The following SGCZ variants were observed in gnomAD, a reference collection of about 807,000 sequenced individuals.
SGCZ encodes the protein zeta-sarcoglycan.
A neutral mutation model predicts 41.3 loss-of-function variants in SGCZ; 40 were observed. The observed-to-expected ratio is 0.97, with a 90% CI of 0.75 to 1.26. The LOEUF is 1.26. Among genes scored for constraint, SGCZ ranks in the 50% most tolerant of loss-of-function variants. The pLI, the probability that SGCZ is intolerant of heterozygous loss-of-function variation, is 0.00. For synonymous variants in SGCZ, 206 were observed against 137.5 expected (o/e 1.50, Z -3.49); for missense variants, 552 against 369.8 (o/e 1.49, Z -4.04).
chr8:14,523,061 T>C (rs891210633), intron 2 of SGCZ, among the ~76,000 whole-genome samples: 24 of 151,990 alleles, frequency 1.6e-4, no homozygotes, highest in African/African-American at 5.8e-4. Flanking sequence ...TTGAATGAAG[T>C]GTGGAAAACT....
chr8:14,247,805 TATGTTC>T (rs1373618846), intron 3 of SGCZ, among the ~76,000 whole-genome samples: 1 of 152,178 alleles, frequency 6.6e-6, no homozygotes, highest in African/African-American at 2.4e-5. Context: ...GTCCAGTCAG[TATGTTC>T]ACTATGGGGA....
intron 1 of SGCZ, among the ~76,000 whole-genome samples, chr8:14,614,688 T>C (rs995091169): frequency 2.0e-5 from 3 of 152,046 alleles, no homozygotes; most frequent in African/African-American, 7.2e-5. Flanking sequence ...TAAAAGAAGA[T>C]GACTACAGAG....
At chr8:14,328,733 C>A (rs112449145) in intron 2 of SGCZ, among the ~76,000 whole-genome samples, 9 of 152,140 alleles carry the variant, frequency 5.9e-5, no homozygotes, top group African/African-American at 1.4e-4. Flanking sequence ...AATGTGTCCC[C>A]TCTAAAATTT....
intron 6 of SGCZ, among the ~76,000 whole-genome samples, chr8:14,105,563 A>G (rs1563129471): frequency 6.6e-6 from 1 of 152,122 alleles, no homozygotes; most frequent in Non-Finnish European, 1.5e-5. Flanking sequence ...TTTAATTTTC[A>G]TTATACAAAT....
intron 2 of SGCZ, among the ~76,000 whole-genome samples, chr8:14,359,730 T>C (rs1013351987): frequency 6.6e-6 from 1 of 151,202 alleles, no homozygotes; most frequent in Non-Finnish European, 1.5e-5. Flanking sequence ...ACTCAAACTA[T>C]TCCAAAAAAA....
At chr8:14,874,082 G>C (rs1436857777) in intron 1 of SGCZ, among the ~76,000 whole-genome samples, 1 of 152,086 alleles carries the variant, frequency 6.6e-6, no homozygotes, top group Non-Finnish European at 1.5e-5. Flanking sequence ...ACTGAAGTGT[G>C]GTGAGTCCCA....
chr8:15,237,789 G>A lies in SGCZ; in HGVS notation c.-166C>T. The A allele has an allele frequency of 3.4e-6, 2 of 583,978 alleles. No individual in the cohort carries two copies. The highest frequency in any genetic ancestry group is 2.8e-5 in the East Asian group (1 of 35,346). The allele number at this position is 583,978 out of a possible 1,614,324, so 36.2% of individuals were successfully genotyped here. On this transcript the variant is annotated 5_prime_UTR_variant, in exon 1 of 8. Transcript: ENST00000382080. ...GCCGCCTCCACCGGGTTAAAAATAA[G>A]GAAAATAAATAAATAATAATGATAA...
At chr8:14,530,672 T>G (rs1803099950) in intron 2 of SGCZ, among the ~76,000 whole-genome samples, 1 of 88,694 alleles carries the variant, frequency 1.1e-5, no homozygotes, top group African/African-American at 4.5e-5. Context: ...ACTATATAAG[T>G]TAAAATATTT....
At chr8:14,710,257 C>A (rs543051223) in intron 1 of SGCZ, among the ~76,000 whole-genome samples, 1 of 151,436 alleles carries the variant, frequency 6.6e-6, no homozygotes, top group African/African-American at 2.4e-5. Context: ...GTAGTCCCCA[C>A]TACGCCGGAG....
chr8:14,693,189 T>C (rs1808853669), intron 1 of SGCZ, among the ~76,000 whole-genome samples: 1 of 152,208 alleles, frequency 6.6e-6, no homozygotes, highest in Non-Finnish European at 1.5e-5. Flanking sequence ...TTGAAGAATA[T>C]ATGAAATATT....
intron 1 of SGCZ, among the ~76,000 whole-genome samples, chr8:14,809,678 A>C (rs1399654055): frequency 6.6e-6 from 1 of 152,176 alleles, no homozygotes; most frequent in Non-Finnish European, 1.5e-5. Flanking sequence ...AAATTCATGC[A>C]TCTATAATTT....
At chr8:14,587,131 G>A (rs545094619) in intron 1 of SGCZ, among the ~76,000 whole-genome samples, 38 of 151,402 alleles carry the variant, frequency 2.5e-4, no homozygotes, top group African/African-American at 5.8e-4. Context: ...AATATATACC[G>A]TCTCTAATAC....
intron 4 of SGCZ, among the ~76,000 whole-genome samples, chr8:14,228,718 C>T (rs911681770): frequency 2.0e-5 from 3 of 151,998 alleles, no homozygotes; most frequent in African/African-American, 7.2e-5. Flanking sequence ...AAAAGAGGCA[C>T]AGTTTGTCAC....
intron 2 of SGCZ, among the ~76,000 whole-genome samples, chr8:14,394,140 C>CCG (rs112444671): frequency 0.073 from 10,544 of 143,702 alleles, 746 homozygotes; most frequent in African/African-American, 0.18. Flanking sequence ...TACCGCCCCC[C>CCG]ACCTTTTTTT....
At chr8:14,478,896 T>C (rs914072180) in intron 2 of SGCZ, among the ~76,000 whole-genome samples, 1 of 151,802 alleles carries the variant, frequency 6.6e-6, no homozygotes, top group African/African-American at 2.4e-5. Flanking sequence ...CTCTGGTCGC[T>C]ACATCTGCTC....
chr8:15,135,217 T>C (rs866990943), intron 1 of SGCZ, among the ~76,000 whole-genome samples: 26 of 152,192 alleles, frequency 1.7e-4, no homozygotes, highest in African/African-American at 5.5e-4. Context: ...AGTAGATCAA[T>C]GTATTCCCCT....
At chr8:14,809,352 A>C (rs1801669876) in intron 1 of SGCZ, among the ~76,000 whole-genome samples, 2 of 152,152 alleles carry the variant, frequency 1.3e-5, no homozygotes, top group African/African-American at 4.8e-5. Flanking sequence ...GAAATGAAAA[A>C]CTTTGTTTTG....
At chr8:14,910,390 C>T (rs1799248565) in intron 1 of SGCZ, among the ~76,000 whole-genome samples, 2 of 151,968 alleles carry the variant, frequency 1.3e-5, no homozygotes, top group African/African-American at 4.8e-5. Context: ...AATGGCTTAA[C>T]TCAGTGTTTG....
At chr8:14,255,330 G>C (rs35258736) in intron 3 of SGCZ, among the ~76,000 whole-genome samples, 74,595 of 151,970 alleles carry the variant, frequency 0.49, 18,759 homozygotes, top group South Asian at 0.71. Flanking sequence ...TTCACTTCAT[G>C]AGCCTCTCTC....
Sources: allele counts gnomAD v4.1 joint callset (sites outside exome capture counted in the v4.1 genomes callset), GRCh38; gene constraint gnomAD v4.1.1; transcripts MANE v1.5; gene names NCBI Gene and HGNC (gene_info 2026-07-23, HGNC 2026-07-21).